FUBP3: variants seen among roughly 807,000 people sequenced by gnomAD.
FUBP3 encodes the protein far upstream element binding protein 3.
FUBP3 carries 28 observed loss-of-function variants against 85.6 expected under a neutral mutation model. The observed-to-expected ratio is 0.33, with a 90% confidence interval of 0.24 to 0.45. FUBP3 has a LOEUF of 0.45. FUBP3 is among the 20% of genes least tolerant of loss of function. FUBP3 has a pLI of 1.00. For synonymous variants in FUBP3, 271 were observed against 271.4 expected (o/e 1.00, Z 0.01); for missense variants, 583 against 755.1 (o/e 0.77, Z 2.67).
At chr9:130,604,340 G>A (rs914993264) in intron 2 of FUBP3, among the ~76,000 whole-genome samples, 2 of 152,194 alleles carry the variant, frequency 1.3e-5, no homozygotes, top group Non-Finnish European at 2.9e-5. Context: ...ACCAAGGCCA[G>A]ATAGATACAT....
chr9:130,604,214 G>A lies in FUBP3; in HGVS notation c.191-5740G>A, dbSNP rs1831306658. Reference sequence around the variant, plus strand: ...AGATTAGTGGTTGCCAGTGGTTAGGGATTGAGTCGGAGGAGAGGGGGTCAC... The same window carrying A: ...AGATTAGTGGTTGCCAGTGGTTAGGAATTGAGTCGGAGGAGAGGGGGTCAC... On this transcript the variant is annotated intron_variant, in intron 2 of 18. Coordinates refer to ENST00000319725, the MANE Select transcript of FUBP3 (RefSeq NM_003934.2). Among the ~76,000 whole-genome samples the A allele has an allele frequency of 3.3e-5, 5 of 152,306 alleles. No individual in the cohort carries two copies. In the South Asian group the frequency reaches 1.0e-3, roughly 32 times the overall value.
In FUBP3 at chr9:130,612,338, G is replaced by T; in HGVS notation, c.225-118G>T. The stretch of plus-strand genomic sequence containing the variant: ...GGTGGTGGATTTGTTGGCCAAATTG[G>T]CCTGATGTATTTTAAGCTTTTATCA... On this transcript the variant is annotated intron_variant, in intron 3 of 18. Transcript: ENST00000319725. The surrounding 1 kb of genome is among the most constrained non-coding windows in gnomAD (Gnocchi z 4.1). 1.5e-6 allele frequency: 1 copy of T among 659,174 alleles called. No individual in the cohort carries two copies. The highest frequency in any genetic ancestry group is 2.7e-5 in the East Asian group (1 of 37,314). 40.8% of individuals were successfully genotyped at this position (659,174 alleles called of 1,614,324 possible). A position where few individuals can be genotyped will look rare whatever the true frequency, so the allele number is the denominator to read the frequency against.
rs1010364150 is a variant in FUBP3, at chr9:130,597,030, C to G, written c.190+1442C>G. Among the ~76,000 whole-genome samples, 31 of 151,884 alleles carry G rather than the reference C, an allele frequency of 2.0e-4. 1 individual carries two copies. Among genetic ancestry groups the G allele is most frequent in the East Asian group, 5.8e-4 (3 of 5,168 alleles). On this transcript the variant is annotated intron_variant, in intron 2 of 18. Transcript: ENST00000319725. ...TTCGTACCCATTAACCCCCCTCCCC[C>G]CTGAGTCCCCTTAGCCCCCTACTAC...
chr9:130,629,433 C>G (rs111995714), intron 12 of FUBP3, among the ~76,000 whole-genome samples: 1,702 of 152,336 alleles, frequency 0.011, 39 homozygotes, highest in African/African-American at 0.039. Context: ...CGTCTTTTCT[C>G]CCCCGTAAGG....
intron 2 of FUBP3, among the ~76,000 whole-genome samples, chr9:130,603,923 G>C (rs907738867): frequency 2.0e-5 from 3 of 152,140 alleles, no homozygotes; most frequent in African/African-American, 7.2e-5. Flanking sequence ...AAAGGAAAAT[G>C]TTCACACAAG....
chr9:130,636,327 A>G, intron 18 of FUBP3: 2 of 684,072 alleles, frequency 2.9e-6, no homozygotes, highest in Non-Finnish European at 5.2e-6. Flanking sequence ...AAAAGAGTTT[A>G]GGCCAAGTGG....
chr9:130,627,530 C>A (rs1051422546), intron 12 of FUBP3, among the ~76,000 whole-genome samples: 1 of 152,244 alleles, frequency 6.6e-6, no homozygotes, highest in Non-Finnish European at 1.5e-5. Context: ...GCCCTCGTCC[C>A]TGCTCACAGA....
At chr9:130,580,478 G>C (rs914139668) in intron 1 of FUBP3, among the ~76,000 whole-genome samples, 30 of 152,120 alleles carry the variant, frequency 2.0e-4, no homozygotes, top group Admixed American at 1.4e-3. Flanking sequence ...ACTGGCTTCT[G>C]GCATGGTACT....
At chr9:130,630,908 G>A (rs528593571) in intron 13 of FUBP3, 120 bp downstream of exon 13, 7 of 775,136 alleles carry the variant, frequency 9.0e-6, no homozygotes, top group African/African-American at 5.5e-5. Flanking sequence ...CACATCACAC[G>A]AGGGCAAGCC....
At chr9:130,622,342 A>G (rs1449855629) in intron 9 of FUBP3, among the ~76,000 whole-genome samples, 1 of 143,246 alleles carries the variant, frequency 7.0e-6, no homozygotes, top group Admixed American at 7.0e-5. Context: ...AAAAAAAAAA[A>G]GTGTCCTGGC....
intron 13 of FUBP3, chr9:130,631,214 G>GTC: frequency 8.2e-7 from 1 of 1,217,684 alleles, no homozygotes; most frequent in Non-Finnish European, 1.0e-6. Context: ...AGGACAGATG[G>GTC]GCCACTGCTC....
At chr9:130,618,259 G>A (rs7858182) in intron 8 of FUBP3, among the ~76,000 whole-genome samples, 28,012 of 152,166 alleles carry the variant, frequency 0.18, 2,689 homozygotes, top group African/African-American at 0.23. Context: ...TTGGTTTTTT[G>A]TTTTGTTTCC....
chr9:130,607,043 T>C (rs1417587322), intron 2 of FUBP3, among the ~76,000 whole-genome samples: 1 of 152,108 alleles, frequency 6.6e-6, no homozygotes, highest in Non-Finnish European at 1.5e-5. Context: ...CGATCCCAGC[T>C]CCCTGCAACT....
intron 16 of FUBP3, among the ~76,000 whole-genome samples, chr9:130,633,369 T>C (rs941549344): frequency 1.3e-5 from 2 of 152,234 alleles, no homozygotes; most frequent in Non-Finnish European, 2.9e-5. Flanking sequence ...GGGCTAACCC[T>C]GTTTCCTTTC....
intron 13 of FUBP3, 176 bp from the exon 14 acceptor site, chr9:130,631,381 A>AATGGCTTCT: frequency 7.3e-7 from 1 of 1,379,134 alleles, no homozygotes; most frequent in Non-Finnish European, 9.6e-7. Flanking sequence ...GGAGGGCAGA[A>AATGGCTTCT]GCCATTTCTG....
chr9:130,588,007 A>G (rs548678269), intron 1 of FUBP3, among the ~76,000 whole-genome samples: 1 of 152,302 alleles, frequency 6.6e-6, no homozygotes, highest in African/African-American at 2.4e-5. Flanking sequence ...CTTTATTTCA[A>G]TTATTGCAAG....
intron 1 of FUBP3, among the ~76,000 whole-genome samples, chr9:130,583,508 G>C (rs1414133020): frequency 6.6e-6 from 1 of 152,218 alleles, no homozygotes; most frequent in Non-Finnish European, 1.5e-5. Context: ...ACACTCAAGA[G>C]ATCTAAGTGG....
chr9:130,593,651 T>C (rs1307164552), intron 1 of FUBP3, among the ~76,000 whole-genome samples: 3 of 152,344 alleles, frequency 2.0e-5, no homozygotes, highest in East Asian at 3.9e-4. Flanking sequence ...AGGTAATTTC[T>C]GTTGGTCCCA....
rs1199575850 is a variant in FUBP3, at chr9:130,638,159, A to T, written c.*1137A>T. On this transcript the variant is annotated 3_prime_UTR_variant, in exon 19 of 19. Transcript: ENST00000319725. ...CTGAGGGACATTCCGTTTGAAATGT[A>T]CTGAAGTTACAGTTTCTGGTTTTTT... 2 of 152,568 alleles carry T rather than the reference A, an allele frequency of 1.3e-5. No individual in the cohort carries two copies. Among genetic ancestry groups the T allele is most frequent in the Admixed American group, 1.3e-4 (2 of 15,280 alleles). The allele number at this position is 152,568 out of a possible 1,614,324, so 9.5% of individuals were successfully genotyped here.
Sources: allele counts gnomAD v4.1 joint callset (sites outside exome capture counted in the v4.1 genomes callset), GRCh38; gene constraint gnomAD v4.1.1; non-coding constraint Gnocchi (gnomAD v3.1); transcripts MANE v1.5; gene names NCBI Gene and HGNC (gene_info 2026-07-23, HGNC 2026-07-21).